Variants in GRK5 observed in about 807,000 individuals in gnomAD.
GRK5 encodes G protein-coupled receptor kinase 5, also known as g protein-coupled receptor kinase GRK5.
Under a neutral mutation model 78.4 loss-of-function variants are expected in GRK5, and 40 were observed. The ratio of observed to expected loss-of-function variants is 0.51; its 90% CI spans 0.40 to 0.66. The LOEUF (loss-of-function observed/expected upper bound fraction) is 0.66. GRK5 is among the 30% of genes least tolerant of loss of function. The pLI, the probability that GRK5 is intolerant of heterozygous loss-of-function variation, is 0.00. For missense variants in GRK5, 598 were observed against 759.9 expected, an observed-to-expected ratio of 0.79 and a Z score of 2.50; for synonymous variants, 289 against 296.8, an observed-to-expected ratio of 0.97 and a Z score of 0.27.
intron 1 of GRK5, among the ~76,000 whole-genome samples, chr10:119,283,731 C>A (rs1849801258): frequency 6.6e-6 from 1 of 152,188 alleles, no homozygotes; most frequent in South Asian, 2.1e-4. Flanking sequence ...GCAGATGGGA[C>A]CATGAGCCCC....
At chr10:119,326,492 G>T (rs901607457) in intron 1 of GRK5, 24 bp from the exon 2 acceptor site, 4 of 1,592,618 alleles carry the variant, frequency 2.5e-6, no homozygotes, top group Non-Finnish European at 3.4e-6. Context: ...CCTCAGCCAG[G>T]CATCTTTTTC....
rs1433132317 is a variant in GRK5 at position 119,387,554 on chromosome 10, TGGTCTCTAAA to T, written c.261+6630_261+6639del. Among the ~76,000 whole-genome samples, 5 of 152,342 alleles carry T rather than the reference TGGTCTCTAAA, an allele frequency of 3.3e-5. No individual in the cohort carries two copies. The East Asian group carries it at 9.6e-4, about 29-fold the overall frequency. ...CAGTGACCTAAGCCATGACTAGGTCTGGTCTCTAAAGGGCAAAGAGTTTGCCCAGCTGGTC... is the reference window on the plus strand; with the variant it reads ...CAGTGACCTAAGCCATGACTAGGTCTGGGCAAAGAGTTTGCCCAGCTGGTC... On this transcript the variant is annotated intron_variant, in intron 3 of 15. Coordinates refer to ENST00000392870, the MANE Select transcript of GRK5 (RefSeq NM_005308.3).
intron 3 of GRK5, among the ~76,000 whole-genome samples, chr10:119,391,601 G>C (rs994461823): frequency 6.6e-6 from 1 of 151,896 alleles, no homozygotes; most frequent in Admixed American, 6.6e-5. Context: ...CACAGGAGTC[G>C]GGTCTGGAGA....
intron 3 of GRK5, among the ~76,000 whole-genome samples, chr10:119,395,157 A>G (rs1852023797): frequency 2.0e-5 from 3 of 152,166 alleles, no homozygotes; most frequent in Non-Finnish European, 4.4e-5. Context: ...GCCCTATAAA[A>G]TGAGGGGTGG....
intron 1 of GRK5, among the ~76,000 whole-genome samples, chr10:119,239,962 A>C (rs1848995707): frequency 6.6e-6 from 1 of 152,174 alleles, no homozygotes; most frequent in Non-Finnish European, 1.5e-5. Context: ...TATTGTGAAC[A>C]GTGCTGCAAT....
At chr10:119,402,250 C>T (rs956408937) in intron 4 of GRK5, among the ~76,000 whole-genome samples, 5 of 152,114 alleles carry the variant, frequency 3.3e-5, no homozygotes, top group African/African-American at 1.2e-4. Flanking sequence ...GTGGCAGGCT[C>T]ATCTCTGGTG....
intron 1 of GRK5, among the ~76,000 whole-genome samples, chr10:119,299,313 G>A (rs1442703037): frequency 2.6e-5 from 4 of 152,092 alleles, no homozygotes; most frequent in South Asian, 4.2e-4. Flanking sequence ...GCGGGGTGGC[G>A]GGCACCTGTA....
chr10:119,408,544 C>T (rs1852282894), intron 4 of GRK5, among the ~76,000 whole-genome samples: 2 of 152,110 alleles, frequency 1.3e-5, no homozygotes, highest in South Asian at 2.1e-4. Context: ...AATACATGCC[C>T]CAATGTGGAT....
chr10:119,245,448 T>C (rs1849091997), intron 1 of GRK5, among the ~76,000 whole-genome samples: 1 of 152,124 alleles, frequency 6.6e-6, no homozygotes, highest in African/African-American at 2.4e-5. Flanking sequence ...TCCAGCCTTA[T>C]TAAAAAGGAA....
At chr10:119,303,022 C>G (rs916980734) in intron 1 of GRK5, among the ~76,000 whole-genome samples, 8 of 152,206 alleles carry the variant, frequency 5.3e-5, no homozygotes, top group Non-Finnish European at 1.2e-4. Context: ...GAGGCGGGAC[C>G]TCAAGGCTCA....
At chr10:119,345,219 C>T (rs1014239360) in intron 2 of GRK5, among the ~76,000 whole-genome samples, 7 of 152,164 alleles carry the variant, frequency 4.6e-5, no homozygotes, top group East Asian at 3.9e-4. Context: ...CCGCCCGCCT[C>T]GGCCTCCCAA....
chr10:119,361,102 C>T (rs1433957396), intron 2 of GRK5, among the ~76,000 whole-genome samples: 1 of 152,248 alleles, frequency 6.6e-6, no homozygotes, highest in East Asian at 1.9e-4. Context: ...TCCGCTGATG[C>T]ACTGTGACCT....
chr10:119,242,047 T>C (rs1238567982), intron 1 of GRK5, among the ~76,000 whole-genome samples: 1 of 152,160 alleles, frequency 6.6e-6, no homozygotes, highest in African/African-American at 2.4e-5. Context: ...TTGTCTGCTT[T>C]TCTTCCTGCT....
chr10:119,323,168 T>G (rs972585067), intron 1 of GRK5, among the ~76,000 whole-genome samples: 4 of 152,154 alleles, frequency 2.6e-5, no homozygotes, highest in African/African-American at 9.7e-5. Context: ...GGAGTTAATG[T>G]TTAATGGGTT....
intron 1 of GRK5, among the ~76,000 whole-genome samples, chr10:119,256,945 A>T (rs61874475): frequency 0.017 from 2,581 of 152,292 alleles, 49 homozygotes; most frequent in South Asian, 0.069. Flanking sequence ...CTCTGGATTT[A>T]TCTATTGTGG....
intron 1 of GRK5, among the ~76,000 whole-genome samples, chr10:119,284,419 T>C (rs1429223785): frequency 1.3e-5 from 2 of 152,196 alleles, no homozygotes; most frequent in African/African-American, 4.8e-5. Context: ...ATTACAAATG[T>C]GAGCCACTGA....
intron 6 of GRK5, among the ~76,000 whole-genome samples, 183 bp downstream of exon 6, chr10:119,425,268 T>TACACACACACACACAC (rs112640010): frequency 0.013 from 1,665 of 126,678 alleles, 19 homozygotes; most frequent in African/African-American, 0.031. Context: ...CACACACACA[T>TACACACACACACACAC]ACACACACAC....
chr10:119,378,621 G>A lies in GRK5; in HGVS notation c.149-2194G>A, dbSNP rs1042262156. Among the ~76,000 whole-genome samples, 1 of 152,190 alleles carries A rather than the reference G, an allele frequency of 6.6e-6. No individual in the cohort carries two copies. The highest frequency in any genetic ancestry group is 1.5e-5 in the Non-Finnish European group (1 of 68,040). On this transcript the variant is annotated intron_variant, in intron 2 of 15. Transcript: ENST00000392870. This position sits in a 1 kb window ranked among gnomAD's most constrained non-coding sequence, Gnocchi z 4.5. The stretch of plus-strand genomic sequence containing the variant: ...GTGGTGAATAAATGCCCGGGAGGGC[G>A]GGCTGCCTTCAGGGCTCCTCTCTCC...
In GRK5 at chr10:119,431,559, C is replaced by T. The variant is rs757441015; in HGVS notation, c.738+32C>T. 16 of 1,603,652 alleles carry T rather than the reference C, an allele frequency of 1.0e-5. No homozygotes were observed. Among genetic ancestry groups the T allele is most frequent in the East Asian group, 9.0e-5 (4 of 44,504 alleles). On this transcript the variant is annotated intron_variant, in intron 8 of 15. Transcript: ENST00000392870. This position sits in a 1 kb window ranked among gnomAD's most constrained non-coding sequence, Gnocchi z 4.8. ...GAGCATCTGGGCCCAGTGACCGGCT[C>T]GCCCTTCTGTGGACTGGGGCTTCCC... is the stretch of plus-strand genomic sequence containing the variant.
Sources: allele counts gnomAD v4.1 joint callset (sites outside exome capture counted in the v4.1 genomes callset), GRCh38; gene constraint gnomAD v4.1.1; non-coding constraint Gnocchi (gnomAD v3.1); transcripts MANE v1.5; gene names NCBI Gene and HGNC (gene_info 2026-07-23, HGNC 2026-07-21).